DNAJC1: variants seen among roughly 807,000 people sequenced by gnomAD.
DNAJC1 encodes dnaJ homolog subfamily C member 1.
In DNAJC1, 58 loss-of-function variants were observed where a neutral mutation model predicts 76.6. That is an observed-to-expected ratio of 0.76 (90% CI 0.61 to 0.94). The LOEUF is 0.94. DNAJC1 is among the 40% of genes least tolerant of loss of function. The pLI, the probability that DNAJC1 is intolerant of heterozygous loss-of-function variation, is 0.00. For missense variants in DNAJC1, 689 were observed against 677.3 expected, an observed-to-expected ratio of 1.02 and a Z score of -0.19; for synonymous variants, 258 against 267.9, an observed-to-expected ratio of 0.96 and a Z score of 0.36.
At chr10:21,836,346 C>T (rs1044738286) in intron 8 of DNAJC1, among the ~76,000 whole-genome samples, 3 of 152,218 alleles carry the variant, frequency 2.0e-5, no homozygotes, top group African/African-American at 7.2e-5. Context: ...TGGAAAGGAA[C>T]AACCAGTACC....
chr10:21,952,428 A>G (rs1475263099), intron 1 of DNAJC1, among the ~76,000 whole-genome samples: 4 of 152,178 alleles, frequency 2.6e-5, no homozygotes, highest in Non-Finnish European at 5.9e-5. Flanking sequence ...GTACTAGTAG[A>G]AAAGTAAGAA....
chr10:21,815,664 T>C (rs958479403), intron 8 of DNAJC1, among the ~76,000 whole-genome samples: 14 of 152,188 alleles, frequency 9.2e-5, no homozygotes, highest in Non-Finnish European at 1.8e-4. Flanking sequence ...AATGTATCTA[T>C]TTCTCTATTT....
chr10:21,830,719 G>A (rs1306353612), intron 8 of DNAJC1, among the ~76,000 whole-genome samples: 2 of 151,870 alleles, frequency 1.3e-5, no homozygotes, highest in African/African-American at 4.8e-5. Context: ...TCTATCTTTA[G>A]TGTCTCTTAA....
chr10:21,800,053 TGA>T (rs1435001372), intron 9 of DNAJC1, among the ~76,000 whole-genome samples: 1 of 152,176 alleles, frequency 6.6e-6, no homozygotes, highest in Non-Finnish European at 1.5e-5. Flanking sequence ...TCCTTGATTT[TGA>T]GAGACTCTTA....
intron 9 of DNAJC1, among the ~76,000 whole-genome samples, chr10:21,780,564 C>G (rs1157447003): frequency 1.3e-5 from 2 of 152,156 alleles, no homozygotes; most frequent in Non-Finnish European, 2.9e-5. Flanking sequence ...TTGTCACCAC[C>G]AGGCCTGCCC....
At chr10:21,837,111 C>G (rs1009605490) in intron 8 of DNAJC1, among the ~76,000 whole-genome samples, 1 of 152,242 alleles carries the variant, frequency 6.6e-6, no homozygotes, top group Admixed American at 6.5e-5. Flanking sequence ...TGGGGTTTCG[C>G]TGTGTTGGCC....
Position 21,841,742 on chromosome 10 carries a change from C to G in DNAJC1, c.979-35643G>C, listed in dbSNP as rs537855599. On this transcript the variant is annotated intron_variant, in intron 8 of 11. Coordinates refer to ENST00000376980, the MANE Select transcript of DNAJC1 (RefSeq NM_022365.4). ...TAGAAATACCATTTGACCCAGCCAT[C>G]CCATTACTGGGTATATACCCAAAGG... is the stretch of plus-strand genomic sequence containing the variant. 1.2e-4 allele frequency among the ~76,000 whole-genome samples: 19 copies of G among 152,244 alleles called. No individual in the cohort carries two copies. In the East Asian group the frequency reaches 3.7e-3, roughly 29 times the overall value.
chr10:21,824,733 A>G (rs183474168), intron 8 of DNAJC1, among the ~76,000 whole-genome samples: 3 of 152,290 alleles, frequency 2.0e-5, no homozygotes, highest in African/African-American at 7.2e-5. Context: ...GGTAAATCAT[A>G]CATAACATAA....
intron 8 of DNAJC1, among the ~76,000 whole-genome samples, chr10:21,832,314 T>C (rs1250169844): frequency 6.6e-6 from 1 of 152,220 alleles, no homozygotes; most frequent in Non-Finnish European, 1.5e-5. Flanking sequence ...TTTTCTTCTA[T>C]GTGCTTCCCT....
chr10:21,875,227 C>A (rs1171020613), intron 8 of DNAJC1, among the ~76,000 whole-genome samples: 3 of 152,104 alleles, frequency 2.0e-5, no homozygotes, highest in Non-Finnish European at 2.9e-5. Context: ...GTGATCAGAG[C>A]TCATTGCAGC....
At chr10:21,821,489 A>G (rs1035455990) in intron 8 of DNAJC1, among the ~76,000 whole-genome samples, 12 of 152,184 alleles carry the variant, frequency 7.9e-5, no homozygotes, top group Non-Finnish European at 1.3e-4. Context: ...TATAAAGTCA[A>G]TGAATGACTG....
At chr10:21,791,653 A>C (rs867930859) in intron 9 of DNAJC1, among the ~76,000 whole-genome samples, 1 of 152,212 alleles carries the variant, frequency 6.6e-6, no homozygotes, top group Admixed American at 6.5e-5. Context: ...TTGGTCAATA[A>C]AAAAATTTAA....
chr10:21,781,637 C>T (rs548482710), intron 9 of DNAJC1, among the ~76,000 whole-genome samples: 5 of 145,130 alleles, frequency 3.4e-5, no homozygotes, highest in Admixed American at 7.2e-5. Flanking sequence ...AGGAGAATGG[C>T]GTGAACCTGG....
chr10:21,974,601 C>T (rs915779493), intron 1 of DNAJC1, among the ~76,000 whole-genome samples: 1 of 152,020 alleles, frequency 6.6e-6, no homozygotes, highest in Non-Finnish European at 1.5e-5. Context: ...TACCTTTTAC[C>T]CTGACACTTT....
chr10:21,843,001 C>T (rs1053060583), intron 8 of DNAJC1, among the ~76,000 whole-genome samples: 9 of 151,866 alleles, frequency 5.9e-5, no homozygotes, highest in African/African-American at 2.2e-4. Context: ...TAAAAAGCAG[C>T]GAAAAGTATG....
chr10:21,961,320 C>T (rs961407427), intron 1 of DNAJC1, among the ~76,000 whole-genome samples: 5 of 152,138 alleles, frequency 3.3e-5, no homozygotes, highest in African/African-American at 9.7e-5. Flanking sequence ...GTGAAAGCAA[C>T]CCAAATGTTC....
intron 1 of DNAJC1, among the ~76,000 whole-genome samples, chr10:21,947,567 T>G (rs1837525111): frequency 6.6e-6 from 1 of 152,250 alleles, no homozygotes; most frequent in Admixed American, 6.5e-5. Flanking sequence ...ATATGATACA[T>G]ATAACGTGTT....
At chr10:21,987,852 C>T (rs1312752956) in intron 1 of DNAJC1, among the ~76,000 whole-genome samples, 2 of 152,146 alleles carry the variant, frequency 1.3e-5, no homozygotes, top group Non-Finnish European at 2.9e-5. Flanking sequence ...TTCCACCAGT[C>T]CCACAATTCA....
At chr10:21,792,515 G>T (rs1477767263) in intron 9 of DNAJC1, among the ~76,000 whole-genome samples, 1 of 152,134 alleles carries the variant, frequency 6.6e-6, no homozygotes, top group African/African-American at 2.4e-5. Context: ...CCAGCACTTT[G>T]GGAGGCTGAG....
Sources: gnomAD v4.1 joint callset for allele counts (sites outside exome capture counted in the v4.1 genomes callset) on GRCh38, gnomAD v4.1.1 for gene constraint, MANE v1.5 for transcripts, NCBI Gene and HGNC (gene_info 2026-07-23, HGNC 2026-07-21) for gene names.